The following SLC49A3 variants were observed in gnomAD, a reference collection of about 807,000 sequenced individuals.
SLC49A3 encodes the protein solute carrier family 49 member 3.
A neutral mutation model predicts 43.8 loss-of-function variants in SLC49A3; 50 were observed. The ratio of observed to expected loss-of-function variants is 1.14; its 90% CI spans 0.91 to 1.45. The LOEUF (loss-of-function observed/expected upper bound fraction) is 1.45, where lower values mean the gene tolerates loss of function less well. Among genes scored for constraint, SLC49A3 ranks in the 40% most tolerant of loss-of-function variants. The pLI, the probability that SLC49A3 is intolerant of heterozygous loss-of-function variation, is 0.00. For synonymous variants in SLC49A3, 413 were observed against 352.0 expected (o/e 1.17, Z -1.94); for missense variants, 906 against 774.1 (o/e 1.17, Z -2.02).
In SLC49A3 at chr4:682,616, C is replaced by G. The variant is rs544985972; in HGVS notation, c.1261+165G>C. Among the ~76,000 whole-genome samples the G allele has an allele frequency of 2.0e-5, 3 of 152,306 alleles. No homozygotes were observed. The East Asian group carries it at 5.8e-4, about 29-fold the overall frequency. ...AGCCCCATCTCTGATCTCGGCCACA[C>G]CTGTCCTGGCTCACCTGTCCTATTG... On this transcript the variant is annotated intron_variant, in intron 9 of 9. Transcript: ENST00000322224.
chr4:683,857 G>A (rs1416705946), intron 6 of SLC49A3, 96 bp from the exon 7 acceptor site: 3 of 1,408,508 alleles, frequency 2.1e-6, no homozygotes, highest in East Asian at 2.6e-5. Flanking sequence ...GCCGTGTGCT[G>A]TGCCCAAGGC....
chr4:687,529 C>T lies in SLC49A3; in HGVS notation c.136-839G>A, dbSNP rs72613113. Among the ~76,000 whole-genome samples, 3,397 of 152,292 alleles carry T rather than the reference C, an allele frequency of 0.022. 191 individuals carry two copies. In the East Asian group the frequency reaches 0.24, roughly 11 times the overall value. On this transcript the variant is annotated intron_variant, in intron 1 of 9. Coordinates refer to ENST00000322224, the MANE Select transcript of SLC49A3 (RefSeq NM_032219.4). ...CCCAGCTGGTGCCTGCCTGGCCGAG[C>T]CCGGGAGAGAAAGCCCACCCTGCGG... is the stretch of plus-strand genomic sequence containing the variant.
chr4:683,714 C>T lies in SLC49A3; in HGVS notation c.888G>A (p.Leu296=), dbSNP rs375550241. ...CGALFITFGI[L]GALALGPYVD... ...CATAGGGGCCGAGAGCCAGTGCCCC[C>T]AGGATCCCAAACGTGATGAAGAGAG... Residue 296 remains leucine (L), a synonymous_variant, in exon 7 of 10, where the codon CTG becomes CTA. Coordinates refer to ENST00000322224, the MANE Select transcript of SLC49A3 (RefSeq NM_032219.4). 5 of 1,594,034 alleles carry T rather than the reference C, an allele frequency of 3.1e-6. No individual in the cohort carries two copies. The African/African-American group carries it at 6.7e-5, about 21-fold the overall frequency.
chr4:679,823 T>A, downstream of SLC49A3: 164 of 907,436 alleles, frequency 1.8e-4, no homozygotes, highest in Middle Eastern at 4.8e-4. Flanking sequence ...ACCCTTCCCA[T>A]CTGCCTGCCT....
At position 684,577 on chromosome 4, in the gene SLC49A3, A is replaced by C; in HGVS notation, c.746T>G (p.Val249Gly). The change falls in exon 6 of 10, where the codon GTC (valine) becomes GGC (glycine). Residue 249 changes from valine to glycine, a missense_variant. Coordinates refer to ENST00000322224, the MANE Select transcript of SLC49A3 (RefSeq NM_032219.4). ...TCCCCCCAAGCACACAGCCAGGATG[A>C]CATAGGCCTTGTTCCACATGAGCTG... Reference protein sequence around the residue: ...LKLLMWNKAYVILAVCLGGMI... With the variant: ...LKLLMWNKAYGILAVCLGGMI... The C allele has an allele frequency of 6.2e-7, 1 of 1,613,038 alleles. No individual in the cohort carries two copies. Among genetic ancestry groups the C allele is most frequent in the Non-Finnish European group, 8.5e-7 (1 of 1,179,936 alleles).
At chr4:681,757 G>A (rs1315988092), downstream of SLC49A3, 10 of 1,113,712 alleles carry the variant, frequency 9.0e-6, no homozygotes, top group East Asian at 1.1e-4. Flanking sequence ...CCCCTCCAGC[G>A]CCGCCCTCAC....
chr4:691,018 G>A (rs1259346286), upstream of SLC49A3, among the ~76,000 whole-genome samples: 1 of 152,242 alleles, frequency 6.6e-6, no homozygotes, highest in African/African-American at 2.4e-5. Flanking sequence ...CGGGTGCGGT[G>A]GCTCACGCCT....
At position 681,985 on chromosome 4, in the gene SLC49A3, G is replaced by A. The variant is rs1205827359; in HGVS notation, c.1653C>T (p.Ser551=). The change falls in exon 10 of 10, where the codon TCC becomes TCT. Residue 551 remains serine (S), a synonymous_variant. Transcript: ENST00000322224. The stretch of plus-strand genomic sequence containing the variant: ...ACGTGATCACCCACGGGGAGGAGAA[G>A]GAGGAGTGAGACCCAGCCGGGTCAA... ...RFIDPAGSHS[S]FSSPWVIT 2.8e-6 allele frequency: 4 copies of A among 1,407,796 alleles called. No individual in the cohort carries two copies. Among genetic ancestry groups the A allele is most frequent in the African/African-American group, 3.0e-5 (2 of 67,248 alleles). 87.2% of individuals were successfully genotyped at this position (1,407,796 alleles called of 1,614,324 possible). A position where few individuals can be genotyped will look rare whatever the true frequency, so the allele number is the denominator to read the frequency against.
downstream of SLC49A3, chr4:678,246 G>A: frequency 1.4e-6 from 2 of 1,476,104 alleles, no homozygotes; most frequent in South Asian, 1.4e-5. Flanking sequence ...GGAAGTACGT[G>A]CCTCACGTTG....
downstream of SLC49A3, chr4:680,815 C>T (rs753857550): frequency 1.6e-5 from 10 of 631,906 alleles, no homozygotes; most frequent in Non-Finnish European, 2.7e-5. Context: ...TTCCCCTCAG[C>T]CCACTCCTCC....
downstream of SLC49A3, chr4:678,131 G>C (rs1015685357): frequency 1.7e-5 from 27 of 1,564,236 alleles, no homozygotes; most frequent in Admixed American, 1.7e-4. Context: ...CCGTGCTTGC[G>C]TGTGAATGCA....
Position 684,771 on chromosome 4 carries a change from G to C in SLC49A3, c.671C>G (p.Ser224Cys). The change falls in exon 5 of 10, where the codon TCT (serine) becomes TGT (cysteine). Residue 224 changes from serine (S) to cysteine (C), a missense_variant. By Grantham distance (112) the Ser-to-Cys change is moderately radical. Transcript: ENST00000322224. ...LWESVPPTPPSAGAASSTSEK... is the reference protein window; with the variant it reads ...LWESVPPTPPCAGAASSTSEK... ...TGAGGTGGAGCTGGCAGCCCCGGCA[G>C]AGGGCGGGGTGGGGGGCACACTCTC... 1.9e-6 allele frequency: 3 copies of C among 1,612,282 alleles called. No individual in the cohort carries two copies. Among genetic ancestry groups the C allele is most frequent in the Non-Finnish European group, 2.5e-6 (3 of 1,179,812 alleles).
At chr4:682,754 C>A in intron 9 of SLC49A3, 27 bp downstream of exon 9, 2 of 1,516,638 alleles carry the variant, frequency 1.3e-6, no homozygotes, top group South Asian at 2.4e-5. Flanking sequence ...TGTCCTGTTC[C>A]CTGGGGACTC....
intron 5 of SLC49A3, 30 bp from the exon 6 acceptor site, chr4:684,629 G>T (rs745696831): frequency 1.3e-5 from 21 of 1,611,640 alleles, no homozygotes; most frequent in Non-Finnish European, 1.7e-5. Flanking sequence ...CAGCCCCGGA[G>T]CCCGGGGGCC....
downstream of SLC49A3, chr4:681,691 T>C (rs1290099527): frequency 7.0e-5 from 1 of 14,200 alleles, no homozygotes; most frequent in South Asian, 4.2e-3. Context: ...CCCCGCCCCC[T>C]CCAGCGCCGC....
chr4:680,879 T>G (rs1739404732), downstream of SLC49A3: 2 of 649,006 alleles, frequency 3.1e-6, no homozygotes, highest in South Asian at 3.8e-5. Flanking sequence ...GCCTGTAACC[T>G]CCTTCCGGCT....
chr4:683,239 C>G lies in SLC49A3; in HGVS notation c.1122G>C (p.Gly374=), dbSNP rs748135800. The stretch of plus-strand genomic sequence containing the variant: ...GCACAAAGATCATGCCTGTGGCAGC[C>G]CCCTCCCCCACGGGGAAGGAACACT... ...AVECSFPVGE[G]AATGMIFVLG... The change falls in exon 8 of 10, where the codon GGG becomes GGC. Residue 374 remains glycine (G), a synonymous_variant. Transcript: ENST00000322224. 2 of 1,612,684 alleles carry G rather than the reference C, an allele frequency of 1.2e-6. No homozygotes were observed. Among genetic ancestry groups the G allele is most frequent in the Non-Finnish European group, 1.7e-6 (2 of 1,179,922 alleles).
chr4:683,905 C>G, intron 6 of SLC49A3, 144 bp from the exon 7 acceptor site: 2 of 1,110,810 alleles, frequency 1.8e-6, no homozygotes, highest in Non-Finnish European at 2.5e-6. Context: ...GCACCGCTGG[C>G]TGCCTGCGGG....
chr4:682,645 G>C (rs867481499), intron 9 of SLC49A3, 136 bp downstream of exon 9: 12 of 681,594 alleles, frequency 1.8e-5, no homozygotes, highest in Non-Finnish European at 2.5e-5. Context: ...CCTATTGCCC[G>C]GGGACTCCCT....
Sources: allele counts gnomAD v4.1 joint callset (sites outside exome capture counted in the v4.1 genomes callset), GRCh38; gene constraint gnomAD v4.1.1; transcripts MANE v1.5; gene names NCBI Gene and HGNC (gene_info 2026-07-23, HGNC 2026-07-21).